Variants in CLDN10 observed in about 807,000 individuals in gnomAD.
CLDN10 encodes the protein claudin-10.
CLDN10 carries 15 observed loss-of-function variants against 22.9 expected under a neutral mutation model. The observed-to-expected ratio is 0.65, with a 90% CI of 0.44 to 1.01. CLDN10 has a LOEUF of 1.01. Ranked by LOEUF, CLDN10 falls within the 50% of genes least tolerant of loss-of-function variation. CLDN10 has a pLI of 0.00. For synonymous variants in CLDN10, 114 were observed against 111.4 expected, an observed-to-expected ratio of 1.02 and a Z score of -0.15; for missense variants, 247 against 287.8, an observed-to-expected ratio of 0.86 and a Z score of 1.03.
intron 1 of CLDN10, among the ~76,000 whole-genome samples, chr13:95,553,176 G>C (rs934904301): frequency 6.6e-6 from 1 of 152,196 alleles, no homozygotes; most frequent in Admixed American, 6.5e-5. Flanking sequence ...CGGGGCGCCT[G>C]TTCGAGCCTG....
chr13:95,459,127 TG>T, intron 1 of CLDN10, among the ~76,000 whole-genome samples: 1 of 152,342 alleles, frequency 6.6e-6, no homozygotes, highest in East Asian at 1.9e-4. Flanking sequence ...CCCATGGCCT[TG>T]GACAGCTCTG....
intron 1 of CLDN10, among the ~76,000 whole-genome samples, chr13:95,540,545 A>G (rs1411800565): frequency 2.0e-5 from 3 of 152,142 alleles, no homozygotes; most frequent in African/African-American, 7.2e-5. Flanking sequence ...ATTACAAAAG[A>G]CCACTTTTTA....
At chr13:95,440,811 T>C (rs1238313373) in intron 1 of CLDN10, among the ~76,000 whole-genome samples, 1 of 152,222 alleles carries the variant, frequency 6.6e-6, no homozygotes, top group Non-Finnish European at 1.5e-5. Flanking sequence ...TGTATCAATA[T>C]GGTTGGAAGA....
chr13:95,541,000 C>G (rs1373444471), intron 1 of CLDN10, among the ~76,000 whole-genome samples: 1 of 152,244 alleles, frequency 6.6e-6, no homozygotes, highest in African/African-American at 2.4e-5. Context: ...ACTTGGAACA[C>G]TGGGTGGAAT....
At chr13:95,471,758 T>C (rs1430934568) in intron 1 of CLDN10, among the ~76,000 whole-genome samples, 2 of 151,900 alleles carry the variant, frequency 1.3e-5, no homozygotes, top group Non-Finnish European at 2.9e-5. Flanking sequence ...AACCTTTTTT[T>C]TCTCTTTTAA....
intron 1 of CLDN10, among the ~76,000 whole-genome samples, chr13:95,495,192 C>T (rs1033960790): frequency 6.6e-6 from 1 of 151,708 alleles, no homozygotes; most frequent in Non-Finnish European, 1.5e-5. Flanking sequence ...CATGCCACAA[C>T]CTCTGGCTAA....
chr13:95,476,719 A>T (rs1253640688), intron 1 of CLDN10, among the ~76,000 whole-genome samples: 1 of 152,064 alleles, frequency 6.6e-6, no homozygotes, highest in African/African-American at 2.4e-5. Context: ...GGATGCTACC[A>T]TGTGGATGAA....
intron 1 of CLDN10, among the ~76,000 whole-genome samples, chr13:95,445,449 G>A (rs2139071094): frequency 6.6e-6 from 1 of 152,336 alleles, no homozygotes; most frequent in Non-Finnish European, 1.5e-5. Flanking sequence ...TTTTGTGTTA[G>A]AATCTGAGCA....
At chr13:95,463,052 G>A (rs2042549144) in intron 1 of CLDN10, among the ~76,000 whole-genome samples, 1 of 151,922 alleles carries the variant, frequency 6.6e-6, no homozygotes, top group Admixed American at 6.6e-5. Flanking sequence ...TGTTTCTCAT[G>A]TAAATCCTTG....
intron 1 of CLDN10, among the ~76,000 whole-genome samples, chr13:95,457,767 G>T (rs185613152): frequency 6.6e-6 from 1 of 152,180 alleles, no homozygotes; most frequent in East Asian, 1.9e-4. Context: ...TTTTTCTAGG[G>T]TGTACTCTCT....
intron 1 of CLDN10, among the ~76,000 whole-genome samples, chr13:95,443,808 G>A (rs149327374): frequency 6.6e-6 from 1 of 152,150 alleles, no homozygotes; most frequent in Non-Finnish European, 1.5e-5. Context: ...ATGTGCTTGT[G>A]GGGGGTCATT....
At position 95,481,159 on chromosome 13, in the gene CLDN10, G is replaced by A. The variant is rs551150892; in HGVS notation, c.214+47112G>A. Among the ~76,000 whole-genome samples, 27 of 152,254 alleles carry A rather than the reference G, an allele frequency of 1.8e-4. 1 individual carries two copies. The highest frequency in any genetic ancestry group is 1.2e-3 in the Admixed American group (19 of 15,302). On this transcript the variant is annotated intron_variant, in intron 1 of 4. Coordinates refer to the CLDN10 transcript ENST00000376873. ...GACCCTGGAGGCAGAAAATTCCCAG[G>A]CACTCAGAGCATGGCCTAGATGGGG...
chr13:95,538,154 T>C (rs1174914710), intron 1 of CLDN10, among the ~76,000 whole-genome samples: 1 of 4,230 alleles, frequency 2.4e-4, no homozygotes, highest in African/African-American at 3.9e-4. Context: ...TGTTTATTTC[T>C]TTTTTTTTTT....
intron 3 of CLDN10, among the ~76,000 whole-genome samples, chr13:95,571,079 A>G (rs9561907): frequency 0.22 from 33,360 of 151,604 alleles, 3,989 homozygotes; most frequent in Admixed American, 0.33. Flanking sequence ...CTAATTAGTT[A>G]ATGAGCTAAA....
chr13:95,565,378 T>C (rs953585737), intron 3 of CLDN10, among the ~76,000 whole-genome samples: 13 of 152,322 alleles, frequency 8.5e-5, no homozygotes, highest in Non-Finnish European at 1.9e-4. Flanking sequence ...GTTGAGGAAG[T>C]AGAACAGAAT....
At chr13:95,499,939 C>T (rs979646705) in intron 1 of CLDN10, among the ~76,000 whole-genome samples, 2 of 152,112 alleles carry the variant, frequency 1.3e-5, no homozygotes, top group Non-Finnish European at 2.9e-5. Flanking sequence ...AAAAATACCA[C>T]AAGAAAATTT....
At chr13:95,542,839 AC>A (rs1321278360) in intron 1 of CLDN10, among the ~76,000 whole-genome samples, 2 of 152,138 alleles carry the variant, frequency 1.3e-5, no homozygotes, top group African/African-American at 4.8e-5. Context: ...AATAATAAAG[AC>A]ATAGTTATGA....
intron 1 of CLDN10, among the ~76,000 whole-genome samples, chr13:95,467,926 TTC>T (rs1273775464): frequency 1.3e-5 from 2 of 152,278 alleles, no homozygotes; most frequent in South Asian, 2.1e-4. Context: ...ATGGGAAGAA[TTC>T]TCTCTTAGTT....
chr13:95,443,463 TTTATA>T (rs572039098), intron 1 of CLDN10, among the ~76,000 whole-genome samples: 25 of 152,030 alleles, frequency 1.6e-4, no homozygotes, highest in Non-Finnish European at 3.2e-4. Flanking sequence ...GGAAAGAAGT[TTTATA>T]CTCGTCGATC....
Sources: gnomAD v4.1 joint callset for allele counts (sites outside exome capture counted in the v4.1 genomes callset) on GRCh38, gnomAD v4.1.1 for gene constraint, MANE v1.5 for transcripts, NCBI Gene and HGNC (gene_info 2026-07-23, HGNC 2026-07-21) for gene names.